The following PALS2 variants were observed in gnomAD, a reference collection of about 807,000 sequenced individuals.
PALS2 encodes protein associated with LIN7 2, MAGUK p55 family member.
Under a neutral mutation model 61.6 loss-of-function variants are expected in PALS2, and 27 were observed. The ratio of observed to expected loss-of-function variants is 0.44; its 90% confidence interval spans 0.32 to 0.60. The LOEUF (loss-of-function observed/expected upper bound fraction) is 0.60, where lower values mean the gene tolerates loss of function less well. PALS2 is among the 20% of genes least tolerant of loss of function. PALS2 has a pLI of 0.05. For synonymous variants in PALS2, 236 were observed against 218.6 expected (o/e 1.08, Z -0.70); for missense variants, 554 against 639.4 (o/e 0.87, Z 1.44).
intron 1 of PALS2, among the ~76,000 whole-genome samples, chr7:24,579,162 T>G (rs1248245137): frequency 6.6e-6 from 1 of 152,212 alleles, no homozygotes; most frequent in Non-Finnish European, 1.5e-5. Flanking sequence ...AAGTGTTTTG[T>G]AAGCATCTGT....
At chr7:24,678,075 A>G (rs992875297) in intron 9 of PALS2, among the ~76,000 whole-genome samples, 5 of 152,212 alleles carry the variant, frequency 3.3e-5, no homozygotes, top group Admixed American at 6.5e-5. Flanking sequence ...GAAACAGGAT[A>G]CTTCTTATAT....
intron 11 of PALS2, among the ~76,000 whole-genome samples, chr7:24,685,495 C>T (rs1788147509): frequency 6.6e-6 from 1 of 152,046 alleles, no homozygotes; most frequent in South Asian, 2.1e-4. Flanking sequence ...GTGTCTCCTC[C>T]TCCCCCCCAT....
chr7:24,673,717 T>G (rs946665017), intron 9 of PALS2, among the ~76,000 whole-genome samples: 3 of 152,130 alleles, frequency 2.0e-5, no homozygotes, highest in African/African-American at 7.2e-5. Context: ...TTTGTCAATT[T>G]GTTGATCTTT....
chr7:24,647,412 G>A (rs1333418517), intron 3 of PALS2, among the ~76,000 whole-genome samples: 2 of 152,288 alleles, frequency 1.3e-5, no homozygotes, highest in East Asian at 1.9e-4. Context: ...GCCTCCCAAA[G>A]TGCTGGGATT....
At position 24,690,530 on chromosome 7, in the gene PALS2, G is replaced by A. The variant is rs1389401794; in HGVS notation, c.*2916G>A. The A allele has an allele frequency of 6.6e-6, 1 of 152,198 alleles. No individual in the cohort carries two copies. Among genetic ancestry groups the A allele is most frequent in the Non-Finnish European group, 1.5e-5 (1 of 68,038 alleles). 9.4% of individuals were successfully genotyped at this position (152,198 alleles called of 1,614,324 possible). A position where few individuals can be genotyped will look rare whatever the true frequency, so the allele number is the denominator to read the frequency against. ...GTCCACATTTCAGCACTCAGGGCAT[G>A]ACTGTACACAACCTAAGACTATATA... On this transcript the variant is annotated 3_prime_UTR_variant, in exon 12 of 12. Transcript: ENST00000222644.
chr7:24,619,951 G>C (rs188045339), intron 1 of PALS2: 12 of 152,048 alleles, frequency 7.9e-5, no homozygotes, highest in African/African-American at 2.9e-4. Flanking sequence ...ATTCCAGAGA[G>C]CCTCTTATTT....
At chr7:24,588,187 T>G (rs1174153112) in intron 1 of PALS2, among the ~76,000 whole-genome samples, 1 of 152,148 alleles carries the variant, frequency 6.6e-6, no homozygotes, top group Non-Finnish European at 1.5e-5. Context: ...CTGGACATGT[T>G]TGGAGACATA....
intron 1 of PALS2, among the ~76,000 whole-genome samples, chr7:24,603,122 C>G (rs958876846): frequency 2.6e-5 from 4 of 152,268 alleles, no homozygotes; most frequent in Admixed American, 2.6e-4. Context: ...AGGAAGTGAG[C>G]CAGCACCTTG....
chr7:24,659,540 T>G (rs1220390699), intron 5 of PALS2, among the ~76,000 whole-genome samples: 1 of 152,192 alleles, frequency 6.6e-6, no homozygotes, highest in Non-Finnish European at 1.5e-5. Flanking sequence ...TTCTTAACCT[T>G]TGTTCTAGGA....
intron 1 of PALS2, among the ~76,000 whole-genome samples, chr7:24,587,845 T>C (rs1783132321): frequency 6.6e-6 from 1 of 152,194 alleles, no homozygotes; most frequent in Non-Finnish European, 1.5e-5. Flanking sequence ...CAGAATATTA[T>C]GAAACATTTA....
intron 1 of PALS2, among the ~76,000 whole-genome samples, chr7:24,583,829 A>T (rs1039750986): frequency 2.0e-5 from 3 of 151,382 alleles, no homozygotes; most frequent in African/African-American, 7.3e-5. Flanking sequence ...ACCCCACCAC[A>T]GTCCCCAGAG....
At chr7:24,589,947 T>G (rs1235579342) in intron 1 of PALS2, among the ~76,000 whole-genome samples, 1 of 152,140 alleles carries the variant, frequency 6.6e-6, no homozygotes, top group Non-Finnish European at 1.5e-5. Context: ...TACTCAGTGT[T>G]TAGTGTCCCT....
chr7:24,643,514 C>T (rs920892382), intron 3 of PALS2, among the ~76,000 whole-genome samples: 3 of 151,994 alleles, frequency 2.0e-5, no homozygotes, highest in African/African-American at 7.2e-5. Flanking sequence ...TTATTGATTT[C>T]TAATTTTCTG....
chr7:24,663,215 C>T (rs1052648330), intron 5 of PALS2, among the ~76,000 whole-genome samples: 1 of 152,136 alleles, frequency 6.6e-6, no homozygotes, highest in African/African-American at 2.4e-5. Flanking sequence ...TACCTTAAAT[C>T]AACTACCTAT....
At chr7:24,633,133 GATTTT>G (rs1785075367) in intron 2 of PALS2, among the ~76,000 whole-genome samples, 1 of 151,808 alleles carries the variant, frequency 6.6e-6, no homozygotes, top group Non-Finnish European at 1.5e-5. Context: ...AAAAATAAAA[GATTTT>G]ATTTTACCTT....
intron 9 of PALS2, among the ~76,000 whole-genome samples, chr7:24,670,674 A>C (rs1044284127): frequency 2.0e-5 from 3 of 152,198 alleles, no homozygotes; most frequent in African/African-American, 7.2e-5. Context: ...TCATCGCCAA[A>C]AGAATCTCTG....
At chr7:24,628,180 G>A (rs1480838063) in intron 2 of PALS2, among the ~76,000 whole-genome samples, 3 of 152,166 alleles carry the variant, frequency 2.0e-5, no homozygotes, top group Admixed American at 1.3e-4. Context: ...CGATCAAGTT[G>A]GCTTCATCCC....
chr7:24,649,712 C>T lies in PALS2; in HGVS notation c.371C>T (p.Pro124Leu). ...TCTTCTATCAATAATCAGTTATTAC[C>T]AGTAGATGCCATTCGTATTCTTGGT... ...NNSSINNQLL[P>L]VDAIRILGIH... Residue 124 changes from proline to leucine, a missense_variant, in exon 4 of 12, where the codon CCA (proline) becomes CTA (leucine). Transcript: ENST00000222644. The T allele has an allele frequency of 6.2e-7, 1 of 1,610,938 alleles. No homozygotes were observed. The highest frequency in any genetic ancestry group is 1.7e-5 in the Admixed American group (1 of 59,650).
chr7:24,580,473 C>G (rs1032616938), intron 1 of PALS2, among the ~76,000 whole-genome samples: 1 of 152,202 alleles, frequency 6.6e-6, no homozygotes, highest in Non-Finnish European at 1.5e-5. Context: ...AACTTGGTCT[C>G]TCACCAGGTC....
Sources: gnomAD v4.1 joint callset for allele counts (sites outside exome capture counted in the v4.1 genomes callset) on GRCh38, gnomAD v4.1.1 for gene constraint, MANE v1.5 for transcripts, NCBI Gene and HGNC (gene_info 2026-07-23, HGNC 2026-07-21) for gene names.